NELL2: variants seen among roughly 807,000 people sequenced by gnomAD.
NELL2 encodes protein kinase C-binding protein NELL2.
A neutral mutation model predicts 109.6 loss-of-function variants in NELL2; 41 were observed. The observed-to-expected ratio is 0.37, with a 90% CI of 0.29 to 0.49. The LOEUF (loss-of-function observed/expected upper bound fraction) is 0.49. Among genes scored for constraint, NELL2 ranks in the 20% least tolerant of loss-of-function variants. The pLI is 0.98. For synonymous variants in NELL2, 355 were observed against 344.7 expected (o/e 1.03, Z -0.33); for missense variants, 900 against 1,008.3 (o/e 0.89, Z 1.45).
At chr12:44,616,047 TCTC>T (rs1358392361) in intron 13 of NELL2, among the ~76,000 whole-genome samples, 1 of 152,094 alleles carries the variant, frequency 6.6e-6, no homozygotes, top group African/African-American at 2.4e-5. Flanking sequence ...CTGAGAGTCT[TCTC>T]CTCTACCACC....
At chr12:44,867,280 C>A (rs1309225493) in intron 2 of NELL2, among the ~76,000 whole-genome samples, 1 of 152,184 alleles carries the variant, frequency 6.6e-6, no homozygotes, top group Admixed American at 6.5e-5. Context: ...GTATCATTCA[C>A]CATGATCAAG....
intron 9 of NELL2, among the ~76,000 whole-genome samples, chr12:44,763,809 T>C (rs927522167): frequency 3.9e-5 from 6 of 152,144 alleles, no homozygotes; most frequent in Non-Finnish European, 8.8e-5. Context: ...AAATGCATTA[T>C]CCTAAATTTT....
rs190536942 is a variant in NELL2, at chr12:44,873,813, T to G, written c.184+1412A>C. On this transcript the variant is annotated intron_variant, in intron 2 of 19. Transcript: ENST00000429094. ...CAACTGTGTGAAATTCTGCTGACAA[T>G]GTAGCCTTATCTTCTTTATTATATT... Among the ~76,000 whole-genome samples the G allele has an allele frequency of 2.4e-4, 36 of 152,000 alleles. No homozygotes were observed. The East Asian group carries it at 7.0e-3, about 29-fold the overall frequency.
At chr12:44,658,831 C>G (rs918102116) in intron 13 of NELL2, among the ~76,000 whole-genome samples, 23 of 143,704 alleles carry the variant, frequency 1.6e-4, no homozygotes, top group African/African-American at 6.0e-4. Context: ...GAGCCAAGAT[C>G]GCACCACTGC....
chr12:44,872,903 C>A (rs1266168377), intron 2 of NELL2, among the ~76,000 whole-genome samples: 1 of 152,070 alleles, frequency 6.6e-6, no homozygotes, highest in Non-Finnish European at 1.5e-5. Flanking sequence ...ATATTTTTTT[C>A]TCTCTAAAGC....
Position 44,761,578 on chromosome 12 carries a change from G to C in NELL2, c.994+13169C>G, listed in dbSNP as rs111249944. Among the ~76,000 whole-genome samples, 570 of 134,476 alleles carry C rather than the reference G, an allele frequency of 4.2e-3. 5 individuals carry two copies. The highest frequency in any genetic ancestry group is 0.014 in the African/African-American group (542 of 40,086). The allele number at this position is 134,476 out of a possible 152,430, so 88.2% of individuals were successfully genotyped here. ...TTATAGTATATTAAAATATATAGCA[G>C]GACTATTCACAACAGCAAAGTCATG... On this transcript the variant is annotated intron_variant, in intron 9 of 19. Transcript: ENST00000429094.
intron 2 of NELL2, among the ~76,000 whole-genome samples, chr12:44,865,878 C>T (rs1039641761): frequency 6.7e-6 from 1 of 150,090 alleles, no homozygotes; most frequent in Non-Finnish European, 1.5e-5. Flanking sequence ...TATCAAGTAC[C>T]TTTTCTAACC....
chr12:44,538,864 T>A (rs775583486), intron 15 of NELL2, among the ~76,000 whole-genome samples: 3 of 152,158 alleles, frequency 2.0e-5, no homozygotes, highest in Non-Finnish European at 4.4e-5. Context: ...ACTGAGACAA[T>A]CTGATTTTTC....
chr12:44,579,445 T>C (rs1247561135), intron 15 of NELL2, among the ~76,000 whole-genome samples: 1 of 152,212 alleles, frequency 6.6e-6, no homozygotes, highest in Admixed American at 6.5e-5. Flanking sequence ...GTAACACTTG[T>C]TAGCACCTTG....
intron 3 of NELL2, among the ~76,000 whole-genome samples, chr12:44,802,438 TATATC>T (rs2136655906): frequency 6.6e-6 from 1 of 151,960 alleles, no homozygotes; most frequent in Admixed American, 6.6e-5. Flanking sequence ...ATACCTCTAA[TATATC>T]ATATATATAC....
At chr12:44,661,381 A>G (rs1947738525) in intron 13 of NELL2, among the ~76,000 whole-genome samples, 1 of 151,490 alleles carries the variant, frequency 6.6e-6, no homozygotes, top group African/African-American at 2.4e-5. Flanking sequence ...ATAAACTTCC[A>G]CTCCTGCTCT....
intron 1 of NELL2, among the ~76,000 whole-genome samples, chr12:44,886,009 A>C (rs1248814745): frequency 6.6e-6 from 1 of 151,652 alleles, no homozygotes; most frequent in Non-Finnish European, 1.5e-5. Flanking sequence ...TTTTTTACAA[A>C]GATATCAAGA....
chr12:44,614,665 A>C (rs1945753793), intron 13 of NELL2, among the ~76,000 whole-genome samples: 1 of 152,062 alleles, frequency 6.6e-6, no homozygotes, highest in African/African-American at 2.4e-5. Context: ...TAATGTATCT[A>C]AAATCATTTT....
At chr12:44,763,046 C>T (rs1370391051) in intron 9 of NELL2, among the ~76,000 whole-genome samples, 3 of 152,162 alleles carry the variant, frequency 2.0e-5, no homozygotes, top group Non-Finnish European at 4.4e-5. Context: ...GACAGTTAAT[C>T]CAATTCTTAC....
intron 13 of NELL2, among the ~76,000 whole-genome samples, chr12:44,649,592 C>G (rs1040012033): frequency 6.6e-6 from 1 of 152,186 alleles, no homozygotes; most frequent in Non-Finnish European, 1.5e-5. Context: ...CCTGAGAAGA[C>G]TGTCACAGCA....
At chr12:44,612,552 C>A (rs965877820) in intron 13 of NELL2, among the ~76,000 whole-genome samples, 2 of 151,748 alleles carry the variant, frequency 1.3e-5, no homozygotes, top group African/African-American at 4.8e-5. Flanking sequence ...TAGAAAAGAG[C>A]TGGATTACAC....
chr12:44,843,743 C>G (rs764162543), intron 2 of NELL2, among the ~76,000 whole-genome samples: 14 of 152,172 alleles, frequency 9.2e-5, no homozygotes, highest in Admixed American at 5.2e-4. Flanking sequence ...AAGCCTTGGC[C>G]TGGCGTGGTG....
At chr12:44,724,263 G>A (rs953425574) in intron 9 of NELL2, among the ~76,000 whole-genome samples, 69 of 150,964 alleles carry the variant, frequency 4.6e-4, no homozygotes, top group African/African-American at 1.7e-3. Flanking sequence ...AGGGAGCAGG[G>A]TGTGGGCTAA....
At chr12:44,582,538 C>A (rs542907007) in intron 15 of NELL2, among the ~76,000 whole-genome samples, 1 of 151,826 alleles carries the variant, frequency 6.6e-6, no homozygotes, top group South Asian at 2.1e-4. Flanking sequence ...CAAAGTTAAA[C>A]AATTAATGAA....
Sources: allele counts gnomAD v4.1 joint callset (sites outside exome capture counted in the v4.1 genomes callset), GRCh38; gene constraint gnomAD v4.1.1; transcripts MANE v1.5; gene names NCBI Gene and HGNC (gene_info 2026-07-23, HGNC 2026-07-21).